Variants in DGKB observed in about 807,000 individuals in gnomAD.
The protein encoded by DGKB is diacylglycerol kinase beta, also known as 90 kDa diacylglycerol kinase.
A neutral mutation model predicts 114.3 loss-of-function variants in DGKB; 67 were observed. The observed-to-expected ratio is 0.59, with a 90% CI of 0.48 to 0.72. The LOEUF is 0.72. Ranked by LOEUF, DGKB falls within the 30% of genes least tolerant of loss-of-function variation. DGKB has a pLI of 0.00. For missense variants in DGKB, 907 were observed against 975.2 expected (o/e 0.93, Z 0.93); for synonymous variants, 398 against 323.1 (o/e 1.23, Z -2.49).
intron 21 of DGKB, among the ~76,000 whole-genome samples, chr7:14,476,866 T>C (rs1388264220): frequency 2.0e-5 from 3 of 151,720 alleles, no homozygotes; most frequent in Admixed American, 2.0e-4. Context: ...ACGATTCTCC[T>C]GCCTCAGCCT....
chr7:14,516,998 G>A (rs781326553), intron 20 of DGKB, among the ~76,000 whole-genome samples: 1 of 152,056 alleles, frequency 6.6e-6, no homozygotes, highest in Non-Finnish European at 1.5e-5. Flanking sequence ...TAATAGTCAA[G>A]TTGATCCTAA....
At chr7:14,912,283 A>C (rs1784040128) in intron 1 of DGKB, among the ~76,000 whole-genome samples, 1 of 152,182 alleles carries the variant, frequency 6.6e-6, no homozygotes, top group Non-Finnish European at 1.5e-5. Flanking sequence ...TTCTAAGCCC[A>C]GTCCTATAGT....
chr7:14,691,002 T>C (rs1159778577), intron 9 of DGKB, among the ~76,000 whole-genome samples: 2 of 152,214 alleles, frequency 1.3e-5, no homozygotes, highest in Admixed American at 6.5e-5. Flanking sequence ...TTGTAGAGCC[T>C]CTTGTAAGAG....
chr7:14,693,754 TG>T (rs1177862301), intron 9 of DGKB, among the ~76,000 whole-genome samples: 2 of 151,964 alleles, frequency 1.3e-5, no homozygotes, highest in Non-Finnish European at 1.5e-5. Context: ...ACAATAATAC[TG>T]GAGAGCCTCT....
intron 25 of DGKB, among the ~76,000 whole-genome samples, chr7:14,149,585 G>A (rs925632935): frequency 2.0e-5 from 3 of 152,004 alleles, no homozygotes; most frequent in Non-Finnish European, 2.9e-5. Flanking sequence ...CATTAGTTAC[G>A]TATCATTTAT....
intron 23 of DGKB, among the ~76,000 whole-genome samples, chr7:14,327,464 A>G (rs985115125): frequency 6.6e-6 from 1 of 152,158 alleles, no homozygotes; most frequent in Non-Finnish European, 1.5e-5. Flanking sequence ...CTAACTGCAC[A>G]AATGTATAAA....
In DGKB at chr7:14,621,246, G is replaced by C. The variant is rs148378769; in HGVS notation, c.1284+132C>G. 254 of 586,202 alleles carry C rather than the reference G, an allele frequency of 4.3e-4. 2 individuals are homozygous for C. The East Asian group carries it at 6.3e-3, about 14-fold the overall frequency. 36.3% of individuals were successfully genotyped at this position (586,202 alleles called of 1,614,324 possible). ...ACTGACATCTTGATAAATTAATAAAGATCTTTCTGAAAGAGTCTACTAAGC... is the reference window on the plus strand; with the variant it reads ...ACTGACATCTTGATAAATTAATAAACATCTTTCTGAAAGAGTCTACTAAGC... On this transcript the variant is annotated intron_variant, in intron 15 of 25. Coordinates refer to ENST00000402815, the MANE Select transcript of DGKB (RefSeq NM_001350709.2).
intron 1 of DGKB, among the ~76,000 whole-genome samples, chr7:14,973,066 G>C (rs1787568073): frequency 6.6e-6 from 1 of 151,892 alleles, no homozygotes; most frequent in Non-Finnish European, 1.5e-5. Flanking sequence ...TTTTAAAATA[G>C]AAACTATAAT....
At chr7:14,474,284 C>G (rs1781847012) in intron 21 of DGKB, among the ~76,000 whole-genome samples, 1 of 152,132 alleles carries the variant, frequency 6.6e-6, no homozygotes, top group African/African-American at 2.4e-5. Context: ...TGCACAAGCT[C>G]TCTCTCTCTT....
rs184767902 is a variant in DGKB at position 14,717,557 on chromosome 7, T to C, written c.466+985A>G. On this transcript the variant is annotated intron_variant, in intron 6 of 25. Coordinates refer to ENST00000402815, the MANE Select transcript of DGKB (RefSeq NM_001350709.2). Reference sequence around the variant, plus strand: ...AACCTAAGCATGTGTGACTCTTAAATAATCACATTACAGTAAATCCTTTAT... The same window carrying C: ...AACCTAAGCATGTGTGACTCTTAAACAATCACATTACAGTAAATCCTTTAT... Among the ~76,000 whole-genome samples, 240 of 152,216 alleles carry C rather than the reference T, an allele frequency of 1.6e-3. 1 individual carries two copies. Among genetic ancestry groups the C allele is most frequent in the African/African-American group, 5.3e-3 (222 of 41,564 alleles).
At chr7:14,296,314 G>A (rs1434832891) in intron 23 of DGKB, among the ~76,000 whole-genome samples, 2 of 152,076 alleles carry the variant, frequency 1.3e-5, no homozygotes, top group Non-Finnish European at 2.9e-5. Context: ...ACAGGCGTGA[G>A]CCACCATGCC....
At chr7:14,404,166 T>A (rs913554295) in intron 21 of DGKB, among the ~76,000 whole-genome samples, 3 of 150,586 alleles carry the variant, frequency 2.0e-5, no homozygotes, top group Admixed American at 1.3e-4. Flanking sequence ...TAATCAAACA[T>A]AGATGGATAC....
intron 6 of DGKB, among the ~76,000 whole-genome samples, chr7:14,710,787 T>G (rs2128333878): frequency 6.6e-6 from 1 of 152,242 alleles, no homozygotes; most frequent in East Asian, 1.9e-4. Context: ...TCTCTTAATG[T>G]GGCATAATAC....
chr7:14,928,963 G>T (rs1052436466), intron 1 of DGKB, among the ~76,000 whole-genome samples: 1 of 151,370 alleles, frequency 6.6e-6, no homozygotes, highest in African/African-American at 2.4e-5. Flanking sequence ...ATAATGGCTT[G>T]TTCCTGCAAA....
chr7:14,687,644 A>G (rs1428794579), intron 9 of DGKB, among the ~76,000 whole-genome samples: 1 of 152,206 alleles, frequency 6.6e-6, no homozygotes, highest in Non-Finnish European at 1.5e-5. Flanking sequence ...AAAAAACTAA[A>G]TTAATATTTA....
intron 4 of DGKB, 23 bp downstream of exon 4, chr7:14,753,905 T>C (rs1332620248): frequency 4.9e-6 from 7 of 1,426,614 alleles, no homozygotes; most frequent in East Asian, 2.4e-5. Flanking sequence ...AGACAGACTT[T>C]AATAGAAAAG....
intron 21 of DGKB, among the ~76,000 whole-genome samples, chr7:14,409,361 T>A (rs2128742603): frequency 6.6e-6 from 1 of 152,250 alleles, no homozygotes; most frequent in East Asian, 1.9e-4. Context: ...CATGAAATGC[T>A]ACTAAGGATG....
intron 23 of DGKB, among the ~76,000 whole-genome samples, chr7:14,224,002 T>G (rs982634046): frequency 6.6e-6 from 1 of 151,824 alleles, no homozygotes; most frequent in African/African-American, 2.4e-5. Flanking sequence ...TTACTATGTG[T>G]GTATGTGTGG....
At chr7:14,453,569 G>A (rs1420620851) in intron 21 of DGKB, among the ~76,000 whole-genome samples, 19 of 152,136 alleles carry the variant, frequency 1.2e-4, no homozygotes, top group Non-Finnish European at 2.4e-4. Context: ...CCATTGTATC[G>A]TTCTCTGTAT....
Sources: allele counts gnomAD v4.1 joint callset (sites outside exome capture counted in the v4.1 genomes callset), GRCh38; gene constraint gnomAD v4.1.1; transcripts MANE v1.5; gene names NCBI Gene and HGNC (gene_info 2026-07-23, HGNC 2026-07-21).